The following FOXP4 variants were observed in gnomAD, a reference collection of about 807,000 sequenced individuals.
FOXP4 encodes forkhead box protein P4.
In FOXP4, 25 loss-of-function variants were observed where a neutral mutation model predicts 82.6. The ratio of observed to expected loss-of-function variants is 0.30; its 90% CI spans 0.22 to 0.42. The LOEUF (loss-of-function observed/expected upper bound fraction) is 0.42, where lower values mean the gene tolerates loss of function less well. Ranked by LOEUF, FOXP4 falls within the 10% of genes least tolerant of loss-of-function variation. The pLI is 1.00. For missense variants in FOXP4, 785 were observed against 900.9 expected, an observed-to-expected ratio of 0.87 and a Z score of 1.65; for synonymous variants, 415 against 388.2, an observed-to-expected ratio of 1.07 and a Z score of -0.81.
At chr6:41,566,199 C>A (rs1764871566) in intron 2 of FOXP4, among the ~76,000 whole-genome samples, 1 of 152,188 alleles carries the variant, frequency 6.6e-6, no homozygotes, top group African/African-American at 2.4e-5. Context: ...GGTCTGAGAT[C>A]ATGAAGCTTG....
chr6:41,581,930 T>C lies in FOXP4; in HGVS notation c.301-2839T>C, dbSNP rs533682155. 3.9e-5 allele frequency among the ~76,000 whole-genome samples: 6 copies of C among 152,328 alleles called. No individual in the cohort carries two copies. In the South Asian group the frequency reaches 1.2e-3, roughly 32 times the overall value. On this transcript the variant is annotated intron_variant, in intron 3 of 16. Transcript: ENST00000307972. ...TCCTGTCAGTGACTCACAGTCCTGG[T>C]GCCTGGAAAGATCTTCTGAGTGTCT... is the stretch of plus-strand genomic sequence containing the variant.
At chr6:41,575,911 C>T (rs1765455165) in intron 2 of FOXP4, among the ~76,000 whole-genome samples, 2 of 152,142 alleles carry the variant, frequency 1.3e-5, no homozygotes, top group Non-Finnish European at 2.9e-5. Context: ...CCTGTACCCC[C>T]TCAACCCTAC....
intron 9 of FOXP4, 22 bp from the exon 10 acceptor site, chr6:41,589,749 C>T: frequency 6.2e-7 from 1 of 1,608,566 alleles, no homozygotes; most frequent in Non-Finnish European, 8.5e-7. Context: ...CCGCTCACCT[C>T]CTGCTTTGCC....
intron 3 of FOXP4, among the ~76,000 whole-genome samples, chr6:41,581,371 C>T (rs769001668): frequency 1.3e-5 from 2 of 152,182 alleles, no homozygotes; most frequent in Non-Finnish European, 1.5e-5. Context: ...CCAGTCAGAC[C>T]GTCCAGCCGA....
At position 41,562,419 on chromosome 6, in the gene FOXP4, G is replaced by A. The variant is rs570652020; in HGVS notation, c.-16-3326G>A. On this transcript the variant is annotated intron_variant, in intron 1 of 16. Transcript: ENST00000307972. ...TTCACCCTGTTTAATATGAATGATCGGCCCCTGAATAGCTATTATTATACA... is the reference window on the plus strand; with the variant it reads ...TTCACCCTGTTTAATATGAATGATCAGCCCCTGAATAGCTATTATTATACA... Among the ~76,000 whole-genome samples, 8 of 152,196 alleles carry A rather than the reference G, an allele frequency of 5.3e-5. No homozygotes were observed. The South Asian group carries it at 1.0e-3, about 20-fold the overall frequency.
chr6:41,556,980 G>A (rs2127324413), intron 1 of FOXP4, among the ~76,000 whole-genome samples: 1 of 152,320 alleles, frequency 6.6e-6, no homozygotes, highest in East Asian at 1.9e-4. Context: ...ATGTTCAGAA[G>A]GAAAACTTAC....
At chr6:41,596,547 A>G (rs1051724982) in intron 14 of FOXP4, among the ~76,000 whole-genome samples, 1 of 152,028 alleles carries the variant, frequency 6.6e-6, no homozygotes, top group Non-Finnish European at 1.5e-5. Flanking sequence ...GCTTCTCACC[A>G]GTTTGGTGAC....
chr6:41,553,208 G>T (rs759253892), intron 1 of FOXP4, among the ~76,000 whole-genome samples: 2 of 152,130 alleles, frequency 1.3e-5, no homozygotes, highest in Non-Finnish European at 2.9e-5. Flanking sequence ...ATTAAAAGGG[G>T]TGCTGCCTGC....
intron 9 of FOXP4, 83 bp from the exon 10 acceptor site, chr6:41,589,688 A>G: frequency 7.0e-7 from 1 of 1,427,352 alleles, no homozygotes; most frequent in Non-Finnish European, 9.7e-7. Context: ...GGCCTTCTGA[A>G]GAGCCTGGCG....
At chr6:41,585,097 G>A (rs1023045413) in intron 4 of FOXP4, among the ~76,000 whole-genome samples, 1 of 152,052 alleles carries the variant, frequency 6.6e-6, no homozygotes, top group Non-Finnish European at 1.5e-5. Flanking sequence ...AATACTCCCC[G>A]GTCCTCCCTC....
At chr6:41,552,854 G>A (rs1764075975) in intron 1 of FOXP4, among the ~76,000 whole-genome samples, 1 of 152,054 alleles carries the variant, frequency 6.6e-6, no homozygotes, top group African/African-American at 2.4e-5. Flanking sequence ...TACCCACACG[G>A]GTACATGATG....
intron 1 of FOXP4, among the ~76,000 whole-genome samples, chr6:41,549,128 A>T (rs1763851174): frequency 1.3e-5 from 2 of 151,844 alleles, no homozygotes; most frequent in South Asian, 4.2e-4. Context: ...GACCCTCAGG[A>T]CCCACTTTAT....
intron 2 of FOXP4, among the ~76,000 whole-genome samples, chr6:41,572,783 C>T (rs1463377115): frequency 6.6e-6 from 1 of 152,170 alleles, no homozygotes; most frequent in Non-Finnish European, 1.5e-5. Flanking sequence ...CCTCCTCCAT[C>T]CTGCCCAGCC....
In FOXP4 at chr6:41,597,169, C is replaced by T; in HGVS notation, c.1659-7C>T. ...GTGAGCCAAAGATGGCCTTCTCTGT[C>T]CTCCAGGAGCCCCACCCTGGTGAAG... On this transcript the variant is annotated splice_polypyrimidine_tract_variant and splice_region_variant and intron_variant, in intron 14 of 16. Transcript: ENST00000307972. 1.9e-6 allele frequency: 3 copies of T among 1,614,074 alleles called. No individual in the cohort carries two copies. Among genetic ancestry groups the T allele is most frequent in the Non-Finnish European group, 2.5e-6 (3 of 1,179,936 alleles).
Position 41,565,918 on chromosome 6 carries a change from A to G in FOXP4, c.158A>G (p.Asn53Ser), listed in dbSNP as rs758433385. Residue 53 changes from asparagine (N) to serine (S), a missense_variant, in exon 2 of 17, where the codon AAT (asparagine) becomes AGT (serine). By Grantham distance (46) the Asn-to-Ser change is conservative. Transcript: ENST00000307972. ...GAAGTGACCACGGGTGCAGACAGCA[A>G]TGGTGAGATGAGTCCCGCAGAGCTG... is the stretch of plus-strand genomic sequence containing the variant. ...GREVTTGADS[N>S]GEMSPAELLH... 2.5e-6 allele frequency: 4 copies of G among 1,613,940 alleles called. No homozygotes were observed. The highest frequency in any genetic ancestry group is 2.7e-5 in the African/African-American group (2 of 74,932).
chr6:41,587,151 C>T lies in FOXP4; in HGVS notation c.653C>T (p.Pro218Leu). The T allele has an allele frequency of 4.4e-6, 7 of 1,597,538 alleles. No individual in the cohort carries two copies. Among genetic ancestry groups the T allele is most frequent in the South Asian group, 1.1e-5 (1 of 89,012 alleles). The change falls in exon 6 of 17, where the codon CCG (proline) becomes CTG (leucine). Residue 218 changes from proline to leucine, a missense_variant. Transcript: ENST00000307972. ...GCCTCGGGGCCCCTCCAGACCCTTC[C>T]GCAAGGTGAGCACCCGCCACTCCTC... ...NQASGPLQTL[P>L]QAAVCPTDLP...
chr6:41,570,007 C>T (rs1765099477), intron 2 of FOXP4, among the ~76,000 whole-genome samples: 1 of 151,574 alleles, frequency 6.6e-6, no homozygotes, highest in Admixed American at 6.6e-5. Context: ...CTCCTCTGCC[C>T]AAGCTACTTA....
intron 1 of FOXP4, among the ~76,000 whole-genome samples, chr6:41,559,010 C>T (rs149303753): frequency 1.7e-3 from 260 of 152,220 alleles, no homozygotes; most frequent in African/African-American, 5.9e-3. Flanking sequence ...AGTCTGAAAC[C>T]GACGACCCTT....
At position 41,591,673 on chromosome 6, in the gene FOXP4, C is replaced by T. The variant is rs926177908; in HGVS notation, c.1536+351C>T. On this transcript the variant is annotated intron_variant, in intron 13 of 16. Transcript: ENST00000307972. This position sits in a 1 kb window ranked among gnomAD's most constrained non-coding sequence, Gnocchi z 4.2. ...ATACAGAAGCCTGGGCCGAATTTCA[C>T]AGAGACCCTAAGGGTCTGGATACCT... is the stretch of plus-strand genomic sequence containing the variant. 2.2e-5 allele frequency among the ~76,000 whole-genome samples: 2 copies of T among 89,680 alleles called. No individual in the cohort carries two copies. The highest frequency in any genetic ancestry group is 9.8e-5 in the Admixed American group (1 of 10,248). The allele number at this position is 89,680 out of a possible 152,430, so 58.8% of individuals were successfully genotyped here.
Sources: gnomAD v4.1 joint callset for allele counts (sites outside exome capture counted in the v4.1 genomes callset) on GRCh38, gnomAD v4.1.1 for gene constraint, Gnocchi (gnomAD v3.1) non-coding constraint, MANE v1.5 for transcripts, NCBI Gene and HGNC (gene_info 2026-07-23, HGNC 2026-07-21) for gene names.